CFAP251: variants seen among roughly 807,000 people sequenced by gnomAD.
CFAP251 encodes cilia- and flagella-associated protein 251.
Under a neutral mutation model 126.7 loss-of-function variants are expected in CFAP251, and 93 were observed. The ratio of observed to expected loss-of-function variants is 0.73; its 90% confidence interval spans 0.62 to 0.87. CFAP251 has a LOEUF of 0.87. CFAP251 is among the 40% of genes least tolerant of loss of function. The probability of loss-of-function intolerance (pLI) is 0.00; values close to 1 mark genes in which losing one functional copy is unlikely to be tolerated. For missense variants in CFAP251, 1,287 were observed against 1,389.2 expected (o/e 0.93, Z 1.17); for synonymous variants, 503 against 506.9 (o/e 0.99, Z 0.10).
rs59759704 is a variant in CFAP251 at position 121,924,426 on chromosome 12, C to CTT, written c.747+457_747+458dup. Among the ~76,000 whole-genome samples, 513 of 90,228 alleles carry CTT rather than the reference C, an allele frequency of 5.7e-3. 11 individuals are homozygous for CTT. Among genetic ancestry groups the CTT allele is most frequent in the African/African-American group, 0.027 (479 of 17,528 alleles). The allele number at this position is 90,228 out of a possible 152,430, so 59.2% of individuals were successfully genotyped here. A position where few individuals can be genotyped will look rare whatever the true frequency, so the allele number is the denominator to read the frequency against. ...CACCACGCCCGGCCTAGACTTGTGT[C>CTT]TTTTTTTTTTTTTTTTTTTTTTGGA... On this transcript the variant is annotated intron_variant, in intron 3 of 21. Transcript: ENST00000288912.
intron 17 of CFAP251, 77 bp from the exon 18 acceptor site, chr12:121,975,167 G>C: frequency 1.7e-6 from 2 of 1,175,980 alleles, no homozygotes; most frequent in South Asian, 2.5e-5. Context: ...GAGGGCCGCA[G>C]TGCTGTGCGG....
Position 121,960,815 on chromosome 12 carries a change from C to T in CFAP251, c.2307+57C>T, listed in dbSNP as rs1182233791. 1.9e-6 allele frequency: 3 copies of T among 1,579,420 alleles called. No homozygotes were observed. In the Admixed American group the frequency reaches 5.1e-5, roughly 27 times the overall value. On this transcript the variant is annotated intron_variant, in intron 14 of 21. Coordinates refer to ENST00000288912, the MANE Select transcript of CFAP251 (RefSeq NM_144668.6). ...CCAAGACTGTGTCTCACTCTTGTGA[C>T]ATCCCTGGCATCTTGCATAGAGCCA...
chr12:121,982,381 A>AT (rs1296231709), intron 19 of CFAP251, among the ~76,000 whole-genome samples: 6,455 of 137,088 alleles, frequency 0.047, 381 homozygotes, highest in African/African-American at 0.14. Flanking sequence ...AGGATTCTTG[A>AT]TTTTTTTTTT....
At chr12:121,966,509 T>A (rs1355542645) in intron 15 of CFAP251, among the ~76,000 whole-genome samples, 6 of 132,996 alleles carry the variant, frequency 4.5e-5, no homozygotes, top group African/African-American at 1.7e-4. Context: ...CTGACCTCAG[T>A]TGATCCACCT....
intron 8 of CFAP251, 160 bp from the exon 9 acceptor site, chr12:121,951,320 A>T: frequency 2.2e-6 from 1 of 459,940 alleles, no homozygotes; most frequent in Non-Finnish European, 3.9e-6. Context: ...TTCTTTCAGA[A>T]TGTTTTTAGA....
intron 7 of CFAP251, among the ~76,000 whole-genome samples, chr12:121,946,314 G>C (rs1223865153): frequency 1.3e-5 from 2 of 152,200 alleles, no homozygotes; most frequent in Admixed American, 1.3e-4. Flanking sequence ...ACATTGGGTT[G>C]TTTCCTGGTT....
In CFAP251 at chr12:121,975,625, T is replaced by C; in HGVS notation, c.2946T>C (p.Ile982=). ...TMETRKVSEH[I]CLSELPFVMR... The stretch of plus-strand genomic sequence containing the variant: ...AGACCAGAAAGGTGTCAGAACACAT[T>C]TGCCTGTCAGAGCTTCCTTTTGTCA... The change falls in exon 19 of 22, where the codon ATT becomes ATC. Residue 982 remains isoleucine (I), a synonymous_variant. Coordinates refer to ENST00000288912, the MANE Select transcript of CFAP251 (RefSeq NM_144668.6). The C allele has an allele frequency of 6.2e-7, 1 of 1,601,722 alleles. No individual in the cohort carries two copies.
At chr12:121,925,728 C>T (rs1027028625) in intron 3 of CFAP251, among the ~76,000 whole-genome samples, 13 of 152,214 alleles carry the variant, frequency 8.5e-5, no homozygotes, top group African/African-American at 2.9e-4. Context: ...CTGGACTTGG[C>T]AAGAGCCACT....
chr12:121,936,775 A>ATGG lies in CFAP251; in HGVS notation c.998+2423_998+2425dup, dbSNP rs1278682624. 7.9e-5 allele frequency among the ~76,000 whole-genome samples: 12 copies of ATGG among 152,126 alleles called. 1 individual carries two copies. Among genetic ancestry groups the ATGG allele is most frequent in the Non-Finnish European group, 1.8e-4 (12 of 68,014 alleles). On this transcript the variant is annotated intron_variant, in intron 5 of 21. Transcript: ENST00000288912. ...GACAAAAAGCATGAGCCTGCAGCAG[A>ATGG]TGGTGGGTGGGTGGTGATGCTTGTC...
Position 121,958,385 on chromosome 12 carries a change from AC to A in CFAP251, c.1847del (p.Pro616HisfsTer14), listed in dbSNP as rs1341072291. 6.2e-7 allele frequency: 1 copy of A among 1,614,120 alleles called. No homozygotes were observed. Among genetic ancestry groups the A allele is most frequent in the Non-Finnish European group, 8.5e-7 (1 of 1,180,042 alleles). On this transcript the variant is annotated frameshift_variant, in exon 12 of 22. Coordinates refer to ENST00000288912, the MANE Select transcript of CFAP251 (RefSeq NM_144668.6). LOFTEE classifies it high-confidence loss of function. ...GATGCCATTTGTGCCATCTCCTGCC[AC>A]CCATATCAACCCCTCATTGCCATCG... ...PKDAICAISC[H>X]PYQPLIAIGS...
chr12:121,999,786 A>G lies in CFAP251; in HGVS notation c.3077A>G (p.Asn1026Ser), dbSNP rs1240841223. ...VDTGKLIDKI[N>S]LPDFLKVYLN... Reference sequence around the variant, plus strand: ...ACTGGAAAGCTAATCGACAAGATCAACTTACCAGATTTCCTAAAAGTGTAC... The same window carrying G: ...ACTGGAAAGCTAATCGACAAGATCAGCTTACCAGATTTCCTAAAAGTGTAC... Residue 1026 changes from asparagine (N) to serine (S), a missense_variant, in exon 20 of 22, where the codon AAC (asparagine) becomes AGC (serine). Asn to Ser is a conservative substitution (Grantham distance 46). Coordinates refer to ENST00000288912, the MANE Select transcript of CFAP251 (RefSeq NM_144668.6). 2 of 1,613,958 alleles carry G rather than the reference A, an allele frequency of 1.2e-6. No individual in the cohort carries two copies. The highest frequency in any genetic ancestry group is 1.3e-5 in the African/African-American group (1 of 74,926).
intron 7 of CFAP251, among the ~76,000 whole-genome samples, chr12:121,943,281 C>T (rs998693752): frequency 6.6e-6 from 1 of 152,074 alleles, no homozygotes; most frequent in Admixed American, 6.5e-5. Flanking sequence ...CCACTGCACT[C>T]CAGCCTCGGT....
At chr12:121,919,140 A>T (rs968926987) in intron 1 of CFAP251, among the ~76,000 whole-genome samples, 111 of 65,664 alleles carry the variant, frequency 1.7e-3, no homozygotes, top group African/African-American at 4.3e-3. Context: ...TATTATTATT[A>T]TTATTTTTTT....
At chr12:121,939,996 C>G (rs1366621406) in intron 5 of CFAP251, among the ~76,000 whole-genome samples, 1 of 152,134 alleles carries the variant, frequency 6.6e-6, no homozygotes, top group Non-Finnish European at 1.5e-5. Context: ...CTTCATGGTA[C>G]TTAAGTAATT....
rs113455279 is a variant in CFAP251, at chr12:121,935,432, C to A, written c.998+1076C>A. Among the ~76,000 whole-genome samples, 750 of 152,336 alleles carry A rather than the reference C, an allele frequency of 4.9e-3. 6 individuals carry two copies. Among genetic ancestry groups the A allele is most frequent in the Middle Eastern group, 0.01 (3 of 294 alleles). On this transcript the variant is annotated intron_variant, in intron 5 of 21. Transcript: ENST00000288912. ...GCTGTAATTCATGAACCAATATTGA[C>A]ACATTATTATTAACAGACATCCAGG...
intron 19 of CFAP251, among the ~76,000 whole-genome samples, chr12:121,991,800 C>T (rs1286854047): frequency 6.6e-6 from 1 of 152,072 alleles, no homozygotes; most frequent in African/African-American, 2.4e-5. Flanking sequence ...TTGAGACCAG[C>T]CTGGCCAACA....
intron 19 of CFAP251, chr12:121,992,541 G>A (rs1359509639): frequency 1.1e-6 from 1 of 929,310 alleles, no homozygotes; most frequent in Non-Finnish European, 1.3e-6. Flanking sequence ...TATTACATTG[G>A]TAATTTATAT....
chr12:121,924,385 G>C (rs140792263), intron 3 of CFAP251, among the ~76,000 whole-genome samples: 37,145 of 149,950 alleles, frequency 0.25, 5,755 homozygotes, highest in East Asian at 0.49. Flanking sequence ...AAAGTGCTGG[G>C]ATTACAGGCG....
chr12:121,927,449 C>T (rs750088328), intron 3 of CFAP251, among the ~76,000 whole-genome samples: 1 of 152,076 alleles, frequency 6.6e-6, no homozygotes, highest in Non-Finnish European at 1.5e-5. Flanking sequence ...AGGCACGCAC[C>T]ACCATACCCA....
Sources: gnomAD v4.1 joint callset for allele counts (sites outside exome capture counted in the v4.1 genomes callset) on GRCh38, gnomAD v4.1.1 for gene constraint, MANE v1.5 for transcripts, NCBI Gene and HGNC (gene_info 2026-07-23, HGNC 2026-07-21) for gene names.